ZBBX: variants seen among roughly 807,000 people sequenced by gnomAD.
The protein encoded by ZBBX is zinc finger B-box domain containing.
A neutral mutation model predicts 108.5 loss-of-function variants in ZBBX; 101 were observed. The observed-to-expected ratio is 0.93, with a 90% CI of 0.79 to 1.10. ZBBX has a LOEUF of 1.10. ZBBX is among the 50% of genes least tolerant of loss of function. ZBBX has a pLI of 0.00. For missense variants in ZBBX, 1,009 were observed against 941.4 expected, an observed-to-expected ratio of 1.07 and a Z score of -0.94; for synonymous variants, 356 against 323.4, an observed-to-expected ratio of 1.10 and a Z score of -1.08.
intron 9 of ZBBX, among the ~76,000 whole-genome samples, chr3:167,340,823 C>T (rs1463068783): frequency 6.6e-6 from 1 of 151,588 alleles, no homozygotes; most frequent in Non-Finnish European, 1.5e-5. Context: ...GGAAAAGCCC[C>T]CATCTAAATA....
chr3:167,389,872 T>C (rs984614000), intron 1 of ZBBX, among the ~76,000 whole-genome samples: 1 of 152,170 alleles, frequency 6.6e-6, no homozygotes, highest in African/African-American at 2.4e-5. Context: ...TAGACCTTTG[T>C]TAGATGGATA....
chr3:167,271,020 C>A (rs1466529429), intron 20 of ZBBX, among the ~76,000 whole-genome samples: 2 of 152,162 alleles, frequency 1.3e-5, no homozygotes, highest in African/African-American at 4.8e-5. Context: ...AATGGGTATT[C>A]AGTAATTGAT....
At chr3:167,207,539 G>T in the ZBBX span, among the ~76,000 whole-genome samples, 1 of 152,166 alleles carries the variant, frequency 6.6e-6, no homozygotes, top group African/African-American at 2.4e-5. Context: ...TTAAAATGTG[G>T]TGTATATATA....
chr3:167,202,996 T>G, the ZBBX span, among the ~76,000 whole-genome samples: 3 of 152,166 alleles, frequency 2.0e-5, no homozygotes, highest in African/African-American at 7.2e-5. Context: ...TGAAGAATTT[T>G]TATTGACATG....
the ZBBX span, among the ~76,000 whole-genome samples, chr3:167,223,578 G>C: frequency 6.6e-6 from 1 of 151,832 alleles, no homozygotes; most frequent in Non-Finnish European, 1.5e-5. Flanking sequence ...ATTGAGTTGG[G>C]TTAAACTGAT....
chr3:167,286,108 T>C (rs545012183), intron 19 of ZBBX, among the ~76,000 whole-genome samples: 1 of 152,138 alleles, frequency 6.6e-6, no homozygotes, highest in Non-Finnish European at 1.5e-5. Flanking sequence ...GGACTGAAGC[T>C]GAATAATGGA....
chr3:167,380,961 A>C (rs145596354), upstream of ZBBX, among the ~76,000 whole-genome samples: 357 of 151,614 alleles, frequency 2.4e-3, 2 homozygotes, highest in African/African-American at 8.4e-3. Flanking sequence ...CCTGTAGTGA[A>C]TTTATCTTTG....
At chr3:167,211,109 T>C in the ZBBX span, among the ~76,000 whole-genome samples, 550 of 152,180 alleles carry the variant, frequency 3.6e-3, 3 homozygotes, top group African/African-American at 0.013. Context: ...AGGAAACAAC[T>C]TGACCCACAA....
intron 6 of ZBBX, 117 bp downstream of exon 6, chr3:167,365,769 T>C (rs956532552): frequency 4.0e-6 from 2 of 506,168 alleles, no homozygotes; most frequent in African/African-American, 4.0e-5. Context: ...GTGAATAATA[T>C]GCAAAGTTGT....
At chr3:167,353,657 A>C (rs190588631) in intron 8 of ZBBX, among the ~76,000 whole-genome samples, 1 of 152,014 alleles carries the variant, frequency 6.6e-6, no homozygotes, top group East Asian at 1.9e-4. Flanking sequence ...ATAAAAATAA[A>C]AATAATAATA....
At chr3:167,222,391 C>T in the ZBBX span, among the ~76,000 whole-genome samples, 25 of 151,376 alleles carry the variant, frequency 1.7e-4, no homozygotes, top group East Asian at 4.9e-3. Context: ...GAGAGTAGAA[C>T]AATGATTACC....
the ZBBX span, among the ~76,000 whole-genome samples, chr3:167,224,989 T>C: frequency 5.3e-5 from 8 of 152,022 alleles, no homozygotes; most frequent in East Asian, 1.6e-3. Flanking sequence ...CCTCACAATG[T>C]TTCTTGTTGC....
intron 20 of ZBBX, among the ~76,000 whole-genome samples, chr3:167,250,152 G>A (rs1722320468): frequency 1.3e-5 from 2 of 152,158 alleles, no homozygotes; most frequent in South Asian, 4.2e-4. Flanking sequence ...GCAAAAATGG[G>A]CCCTGGGACC....
intron 1 of ZBBX, among the ~76,000 whole-genome samples, chr3:167,393,962 G>C (rs1292727832): frequency 6.6e-6 from 1 of 151,802 alleles, no homozygotes; most frequent in Non-Finnish European, 1.5e-5. Context: ...ATGTAAAATA[G>C]ATACAGATAG....
chr3:167,240,733 T>A lies in ZBBX; in HGVS notation c.*60A>T, dbSNP rs1720519401. ...TTGGATAGGTAATCACTTGGTTACT[T>A]TTCTCAGTTGTTTGCTTTACTCTGG... On this transcript the variant is annotated 3_prime_UTR_variant, in exon 22 of 22. Transcript: ENST00000675490. 1 of 1,569,730 alleles carries A rather than the reference T, an allele frequency of 6.4e-7. No homozygotes were observed. The highest frequency in any genetic ancestry group is 1.8e-5 in the Admixed American group (1 of 55,516).
At position 167,310,977 on chromosome 3, in the gene ZBBX, A is replaced by G. The variant is rs189796316; in HGVS notation, c.1417+2997T>C. On this transcript the variant is annotated intron_variant, in intron 16 of 21. Coordinates refer to ENST00000675490, the MANE Select transcript of ZBBX (RefSeq NM_001199201.2). The stretch of plus-strand genomic sequence containing the variant: ...CAAAATCCCCGCCTTTTTATAGAGA[A>G]ACAAATGACCCAGGATAGTGAACAC... 2.3e-3 allele frequency among the ~76,000 whole-genome samples: 356 copies of G among 152,280 alleles called. 2 individuals carry two copies. Among genetic ancestry groups the G allele is most frequent in the African/African-American group, 7.2e-3 (298 of 41,570 alleles).
At chr3:167,294,108 T>C (rs938016562) in intron 18 of ZBBX, among the ~76,000 whole-genome samples, 1 of 152,086 alleles carries the variant, frequency 6.6e-6, no homozygotes, top group Non-Finnish European at 1.5e-5. Flanking sequence ...ATCATGAAAA[T>C]TGTCCTACTG....
intron 17 of ZBBX, among the ~76,000 whole-genome samples, chr3:167,303,984 C>CT: frequency 6.6e-6 from 1 of 152,034 alleles, no homozygotes; most frequent in African/African-American, 2.4e-5. Context: ...TATTTCTCTC[C>CT]TTATTTGTAT....
intron 7 of ZBBX, 70 bp from the exon 8 acceptor site, chr3:167,360,049 T>C: frequency 4.9e-6 from 4 of 822,212 alleles, no homozygotes; most frequent in Non-Finnish European, 7.3e-6. Context: ...GATAAATTAA[T>C]GAAACTATGC....
Sources: allele counts gnomAD v4.1 joint callset (sites outside exome capture counted in the v4.1 genomes callset), GRCh38; gene constraint gnomAD v4.1.1; transcripts MANE v1.5; gene names NCBI Gene and HGNC (gene_info 2026-07-23, HGNC 2026-07-21).